The following RHOU variants were observed in gnomAD, a reference collection of about 807,000 sequenced individuals.
RHOU encodes ras homolog family member U, also known as rho-related GTP-binding protein RhoU.
RHOU carries 8 observed loss-of-function variants against 12.6 expected under a neutral mutation model. The ratio of observed to expected loss-of-function variants is 0.64; its 90% CI spans 0.37 to 1.15. The LOEUF (loss-of-function observed/expected upper bound fraction) is 1.15, where lower values mean the gene tolerates loss of function less well. RHOU is among the 50% of genes most tolerant of loss of function. The pLI is 0.01. For synonymous variants in RHOU, 161 were observed against 147.4 expected, an observed-to-expected ratio of 1.09 and a Z score of -0.67; for missense variants, 258 against 347.0, an observed-to-expected ratio of 0.74 and a Z score of 2.04.
At chr1:228,682,999 A>G in the RHOU span, among the ~76,000 whole-genome samples, 271 of 152,260 alleles carry the variant, frequency 1.8e-3, no homozygotes, top group East Asian at 5.4e-3. Context: ...CCCATACTGT[A>G]TATCTTCTGG....
At chr1:228,742,365 T>A (rs1662741189) in intron 2 of RHOU, among the ~76,000 whole-genome samples, 1 of 152,226 alleles carries the variant, frequency 6.6e-6, no homozygotes, top group South Asian at 2.1e-4. Flanking sequence ...GTCTGTTAAA[T>A]GGATGACCAC....
the RHOU span, among the ~76,000 whole-genome samples, chr1:228,647,002 T>G: frequency 6.8e-6 from 1 of 147,740 alleles, no homozygotes; most frequent in African/African-American, 2.5e-5. Flanking sequence ...GCTAGAGAAA[T>G]AACGCGAGGT....
In RHOU at chr1:228,745,022, G is replaced by C. The variant is rs938348427; in HGVS notation, c.*1282G>C. 1.3e-5 allele frequency: 2 copies of C among 152,128 alleles called. No individual in the cohort carries two copies. The highest frequency in any genetic ancestry group is 4.8e-5 in the African/African-American group (2 of 41,424). The allele number at this position is 152,128 out of a possible 1,614,324, so 9.4% of individuals were successfully genotyped here. A position where few individuals can be genotyped will look rare whatever the true frequency, so the allele number is the denominator to read the frequency against. On this transcript the variant is annotated 3_prime_UTR_variant, in exon 3 of 3. Transcript: ENST00000366691. ...CTCTTGAAACCTGTTAAAACAACCA[G>C]TTAAAGCCACAGATGGCTTTCAGGG...
chr1:228,707,127 C>CATATATAT, the RHOU span, among the ~76,000 whole-genome samples: 1 of 76,796 alleles, frequency 1.3e-5, no homozygotes, highest in Admixed American at 1.5e-4. Flanking sequence ...TATATATATA[C>CATATATAT]ATATATATAT....
the RHOU span, among the ~76,000 whole-genome samples, chr1:228,682,415 A>T: frequency 1.3e-5 from 2 of 152,074 alleles, no homozygotes; most frequent in African/African-American, 2.4e-5. Flanking sequence ...AAGGCTGTTT[A>T]TTTCACCTGG....
chr1:228,657,889 C>T, the RHOU span, among the ~76,000 whole-genome samples: 10 of 152,134 alleles, frequency 6.6e-5, no homozygotes, highest in African/African-American at 2.4e-4. Flanking sequence ...GATAAACTGA[C>T]CTTTTTTCTT....
chr1:228,663,625 C>CTTTTTTTTTTTTTTTTTTTTTT, the RHOU span, among the ~76,000 whole-genome samples: 7 of 58,762 alleles, frequency 1.2e-4, 1 homozygote, highest in African/African-American at 2.1e-4. Context: ...CTTTTCTTTT[C>CTTTTTTTTTTTTTTTTTTTTTT]TTTTTTTTTT....
At chr1:228,655,391 T>A in the RHOU span, among the ~76,000 whole-genome samples, 1 of 152,182 alleles carries the variant, frequency 6.6e-6, no homozygotes, top group Non-Finnish European at 1.5e-5. Context: ...CATAAGCCAC[T>A]GCACCTGGCC....
At chr1:228,661,273 T>C in the RHOU span, among the ~76,000 whole-genome samples, 1 of 152,138 alleles carries the variant, frequency 6.6e-6, no homozygotes, top group African/African-American at 2.4e-5. Flanking sequence ...AGGTAATTTA[T>C]AGATTCAATG....
chr1:228,741,142 G>T (rs1268231154), intron 2 of RHOU, among the ~76,000 whole-genome samples: 1 of 152,022 alleles, frequency 6.6e-6, no homozygotes, highest in Non-Finnish European at 1.5e-5. Context: ...GTAGAATCCA[G>T]TCTCGTCTCT....
the RHOU span, among the ~76,000 whole-genome samples, chr1:228,646,529 G>T: frequency 1.4e-4 from 16 of 113,982 alleles, no homozygotes; most frequent in South Asian, 2.8e-3. Flanking sequence ...CAGCCGCGCG[G>T]GGCCTTTCTC....
chr1:228,708,611 G>A, the RHOU span, among the ~76,000 whole-genome samples: 25 of 151,854 alleles, frequency 1.6e-4, no homozygotes, highest in Admixed American at 5.9e-4. Context: ...CAAATACTGA[G>A]AGATTTTGTC....
chr1:228,666,095 T>C, the RHOU span, among the ~76,000 whole-genome samples: 5 of 152,030 alleles, frequency 3.3e-5, no homozygotes, highest in Admixed American at 1.3e-4. Flanking sequence ...GTAGCTAGGA[T>C]TGCAGGCGTG....
chr1:228,740,171 G>A (rs1469969612), intron 2 of RHOU, among the ~76,000 whole-genome samples: 1 of 152,192 alleles, frequency 6.6e-6, no homozygotes, highest in Non-Finnish European at 1.5e-5. Context: ...GGAAGCACAA[G>A]CATCACTTTA....
At chr1:228,721,017 G>A in the RHOU span, among the ~76,000 whole-genome samples, 3,854 of 152,122 alleles carry the variant, frequency 0.025, 165 homozygotes, top group African/African-American at 0.087. Context: ...AGAATTTATC[G>A]CCTTGGGGGC....
At chr1:228,667,008 A>C in the RHOU span, among the ~76,000 whole-genome samples, 3 of 152,136 alleles carry the variant, frequency 2.0e-5, no homozygotes, top group African/African-American at 7.2e-5. Context: ...TGTTATTATT[A>C]TTATTTTTTA....
chr1:228,736,905 G>A lies in RHOU; in HGVS notation c.263-768G>A, dbSNP rs373197099. 9.9e-5 allele frequency among the ~76,000 whole-genome samples: 15 copies of A among 152,170 alleles called. 1 individual carries two copies. The highest frequency in any genetic ancestry group is 3.1e-4 in the African/African-American group (13 of 41,506). On this transcript the variant is annotated intron_variant, in intron 1 of 2. Transcript: ENST00000366691. The stretch of plus-strand genomic sequence containing the variant: ...TAGAGAAATGGGTGCTGTACTGGTG[G>A]GTTCCCACCGCAGGGTATTGTTTCT...
chr1:228,646,811 C>G, the RHOU span, among the ~76,000 whole-genome samples: 2 of 152,064 alleles, frequency 1.3e-5, no homozygotes, highest in Non-Finnish European at 1.5e-5. Flanking sequence ...CACGCACACA[C>G]ACACACGGTG....
chr1:228,690,582 A>G, the RHOU span, among the ~76,000 whole-genome samples: 1 of 151,274 alleles, frequency 6.6e-6, no homozygotes, highest in South Asian at 2.1e-4. Flanking sequence ...TTGGCCTCCC[A>G]AAGTGCTGGG....
Sources: allele counts gnomAD v4.1 joint callset (sites outside exome capture counted in the v4.1 genomes callset), GRCh38; gene constraint gnomAD v4.1.1; transcripts MANE v1.5; gene names NCBI Gene and HGNC (gene_info 2026-07-23, HGNC 2026-07-21).